Variants in DNAJC15 observed in about 807,000 individuals in gnomAD.
The protein encoded by DNAJC15 is dnaJ homolog subfamily C member 15.
DNAJC15 carries 27 observed loss-of-function variants against 22.4 expected under a neutral mutation model. The ratio of observed to expected loss-of-function variants is 1.20; its 90% confidence interval spans 0.89 to 1.66. DNAJC15 has a LOEUF of 1.66. Ranked by LOEUF, DNAJC15 falls within the 40% of genes most tolerant of loss-of-function variation. The pLI, the probability that DNAJC15 is intolerant of heterozygous loss-of-function variation, is 0.00. For missense variants in DNAJC15, 208 were observed against 187.1 expected (o/e 1.11, Z -0.65); for synonymous variants, 79 against 63.2 (o/e 1.25, Z -1.19).
intron 5 of DNAJC15, among the ~76,000 whole-genome samples, chr13:43,090,381 G>C (rs77365225): frequency 6.6e-6 from 1 of 152,158 alleles, no homozygotes; most frequent in Non-Finnish European, 1.5e-5. Flanking sequence ...TAAGTACTAA[G>C]TTAGGTTGTA....
At chr13:43,024,839 T>C (rs967807767) in intron 1 of DNAJC15, among the ~76,000 whole-genome samples, 1 of 144,738 alleles carries the variant, frequency 6.9e-6, no homozygotes, top group Non-Finnish European at 1.5e-5. Flanking sequence ...GAGGATCACT[T>C]GAGGCCATGA....
chr13:43,067,283 G>A (rs539427488), intron 2 of DNAJC15, among the ~76,000 whole-genome samples: 1 of 152,232 alleles, frequency 6.6e-6, no homozygotes, highest in Admixed American at 6.5e-5. Context: ...TCAACAATCA[G>A]AACTTTAAAA....
chr13:43,032,460 A>G (rs2040408227), intron 1 of DNAJC15, among the ~76,000 whole-genome samples: 3 of 152,252 alleles, frequency 2.0e-5, no homozygotes, highest in Non-Finnish European at 4.4e-5. Context: ...GGGTAACAGT[A>G]TTATTTTGTG....
rs368386623 is a variant in DNAJC15, at chr13:43,100,205, CTT to C, written c.383-6954_383-6953del. ...AGGTTGAAGGTTAAGTTATTGAAGT[CTT>C]TTTTTTTTTTTTTTTTTTGAAACAG... On this transcript the variant is annotated intron_variant, in intron 5 of 5. Transcript: ENST00000379221. Among the ~76,000 whole-genome samples the C allele has an allele frequency of 9.1e-4, 101 of 110,486 alleles. No individual in the cohort carries two copies. The South Asian group carries it at 0.025, about 28-fold the overall frequency. The allele number at this position is 110,486 out of a possible 152,430, so 72.5% of individuals were successfully genotyped here.
At position 43,069,014 on chromosome 13, in the gene DNAJC15, C is replaced by T. The variant is rs759215985; in HGVS notation, c.234+11C>T. On this transcript the variant is annotated intron_variant, in intron 3 of 5. Transcript: ENST00000379221. ...AAGATTTCAACTCCTGTAAGTTAAA[C>T]GTGGCTTTAGTTAGAAGACTCATTT... The T allele has an allele frequency of 2.1e-5, 33 of 1,608,074 alleles. No homozygotes were observed. The highest frequency in any genetic ancestry group is 3.3e-4 in the Middle Eastern group (2 of 6,036).
chr13:43,086,324 A>G (rs932731251), intron 5 of DNAJC15, among the ~76,000 whole-genome samples: 2 of 152,210 alleles, frequency 1.3e-5, no homozygotes, highest in African/African-American at 4.8e-5. Context: ...TTTTTAATGT[A>G]AATTTATCTT....
At position 43,109,693 on chromosome 13, in the gene DNAJC15, A is replaced by G. The variant is rs2040815233; in HGVS notation, c.*2445A>G. On this transcript the variant is annotated 3_prime_UTR_variant, in exon 6 of 6. Coordinates refer to ENST00000379221, the MANE Select transcript of DNAJC15 (RefSeq NM_013238.3). ...TCTATAAAATAGAGAAAATAATCCT[A>G]CACACCGGGGCCTGTTGTGGGGCGG... The G allele has an allele frequency of 6.6e-6, 1 of 151,614 alleles. No homozygotes were observed. The highest frequency in any genetic ancestry group is 2.4e-5 in the African/African-American group (1 of 41,328). 9.4% of individuals were successfully genotyped at this position (151,614 alleles called of 1,614,324 possible).
chr13:43,068,526 C>T (rs2040593755), intron 2 of DNAJC15, among the ~76,000 whole-genome samples: 1 of 151,904 alleles, frequency 6.6e-6, no homozygotes, highest in African/African-American at 2.4e-5. Flanking sequence ...AAGTGATTAT[C>T]ATAAAAAGCA....
At chr13:43,059,245 A>C (rs574379100) in intron 1 of DNAJC15, among the ~76,000 whole-genome samples, 54 of 152,296 alleles carry the variant, frequency 3.5e-4, no homozygotes, top group African/African-American at 1.1e-3. Flanking sequence ...TATTATTAAA[A>C]ACTCAAGTTT....
intron 1 of DNAJC15, among the ~76,000 whole-genome samples, chr13:43,029,569 A>C (rs999567895): frequency 6.6e-6 from 1 of 151,462 alleles, no homozygotes; most frequent in African/African-American, 2.4e-5. Flanking sequence ...GCTATGATGG[A>C]GTGATCTTTT....
At chr13:43,066,908 C>T (rs540733811) in intron 2 of DNAJC15, among the ~76,000 whole-genome samples, 5 of 152,294 alleles carry the variant, frequency 3.3e-5, no homozygotes, top group African/African-American at 7.2e-5. Flanking sequence ...CGTGAGCCAC[C>T]GTGCCCGGCC....
At chr13:43,085,589 A>G (rs1042195756) in intron 4 of DNAJC15, among the ~76,000 whole-genome samples, 179 bp from the exon 5 acceptor site, 1 of 152,224 alleles carries the variant, frequency 6.6e-6, no homozygotes, top group South Asian at 2.1e-4. Flanking sequence ...CACATGTAAC[A>G]TTGAATCAAT....
intron 1 of DNAJC15, among the ~76,000 whole-genome samples, chr13:43,026,960 A>C (rs1308672263): frequency 6.6e-6 from 1 of 152,258 alleles, no homozygotes; most frequent in African/African-American, 2.4e-5. Context: ...GAAACTAAGA[A>C]CTAATGTTCA....
In DNAJC15 at chr13:43,111,606, GT is replaced by G. The variant is rs2040825118; in HGVS notation, c.*4361del. On this transcript the variant is annotated 3_prime_UTR_variant, in exon 6 of 6. Coordinates refer to ENST00000379221, the MANE Select transcript of DNAJC15 (RefSeq NM_013238.3). ...AGGCTCTTTACGTCAAGAATATGAAGTTTCTCTTGAGTCAACCAACTTAAGA... is the reference window on the plus strand; with the variant it reads ...AGGCTCTTTACGTCAAGAATATGAAGTTCTCTTGAGTCAACCAACTTAAGA... 2 of 152,172 alleles carry G rather than the reference GT, an allele frequency of 1.3e-5. No homozygotes were observed. The highest frequency in any genetic ancestry group is 2.9e-5 in the Non-Finnish European group (2 of 68,034). The allele number at this position is 152,172 out of a possible 1,614,324, so 9.4% of individuals were successfully genotyped here. A position where few individuals can be genotyped will look rare whatever the true frequency, so the allele number is the denominator to read the frequency against.
At chr13:43,066,489 A>C (rs2040584677) in intron 2 of DNAJC15, among the ~76,000 whole-genome samples, 1 of 152,178 alleles carries the variant, frequency 6.6e-6, no homozygotes, top group Non-Finnish European at 1.5e-5. Context: ...ATAATCAAGG[A>C]TCATCTCCCC....
intron 1 of DNAJC15, 103 bp downstream of exon 1, chr13:43,023,837 C>A: frequency 9.1e-7 from 1 of 1,099,176 alleles, no homozygotes; most frequent in Non-Finnish European, 1.3e-6. Context: ...CCCCCGCATT[C>A]GCTCACGGTC....
chr13:43,089,360 T>G (rs902778649), intron 5 of DNAJC15, among the ~76,000 whole-genome samples: 1 of 152,126 alleles, frequency 6.6e-6, no homozygotes, highest in Non-Finnish European at 1.5e-5. Flanking sequence ...AGACAAAAAA[T>G]AAGTAAACCT....
At chr13:43,072,684 T>C (rs1566210210) in intron 3 of DNAJC15, among the ~76,000 whole-genome samples, 1 of 152,010 alleles carries the variant, frequency 6.6e-6, no homozygotes, top group Non-Finnish European at 1.5e-5. Context: ...CTACCTCAGC[T>C]TCCTAAGTAG....
Position 43,112,182 on chromosome 13 carries a change from T to G in DNAJC15, c.*4934T>G, listed in dbSNP as rs923010368. 2 of 152,256 alleles carry G rather than the reference T, an allele frequency of 1.3e-5. No homozygotes were observed. Among genetic ancestry groups the G allele is most frequent in the Non-Finnish European group, 2.9e-5 (2 of 68,040 alleles). 9.4% of individuals were successfully genotyped at this position (152,256 alleles called of 1,614,324 possible). ...GAGCAAAAGAATTTATAAAAAGCTC[T>G]TTCTTTTGTATTAAAAACCCTGCTC... On this transcript the variant is annotated 3_prime_UTR_variant, in exon 6 of 6. Transcript: ENST00000379221.
Sources: gnomAD v4.1 joint callset for allele counts (sites outside exome capture counted in the v4.1 genomes callset) on GRCh38, gnomAD v4.1.1 for gene constraint, MANE v1.5 for transcripts, NCBI Gene and HGNC (gene_info 2026-07-23, HGNC 2026-07-21) for gene names.